The following DPYD variants were observed in gnomAD, a reference collection of about 807,000 sequenced individuals.
DPYD encodes the protein dihydropyrimidine dehydrogenase [NADP(+)].
DPYD carries 109 observed loss-of-function variants against 116.2 expected under a neutral mutation model. The ratio of observed to expected loss-of-function variants is 0.94; its 90% CI spans 0.80 to 1.10. The LOEUF (loss-of-function observed/expected upper bound fraction) is 1.10, where lower values mean the gene tolerates loss of function less well. DPYD is among the 50% of genes least tolerant of loss of function. The pLI, the probability that DPYD is intolerant of heterozygous loss-of-function variation, is 0.00. For synonymous variants in DPYD, 440 were observed against 432.0 expected (o/e 1.02, Z -0.23); for missense variants, 1,302 against 1,254.5 (o/e 1.04, Z -0.57).
At chr1:97,795,561 C>T (rs746877590) in intron 3 of DPYD, among the ~76,000 whole-genome samples, 2 of 151,884 alleles carry the variant, frequency 1.3e-5, no homozygotes, top group African/African-American at 4.8e-5. Flanking sequence ...AACAAACATT[C>T]CTACATAAAC....
At chr1:97,675,999 G>A (rs992381444) in intron 8 of DPYD, among the ~76,000 whole-genome samples, 11 of 151,810 alleles carry the variant, frequency 7.2e-5, no homozygotes, top group South Asian at 4.2e-4. Flanking sequence ...CACCCGCCTC[G>A]GCCTCCCAAA....
intron 20 of DPYD, among the ~76,000 whole-genome samples, chr1:97,105,328 G>A (rs1386439964): frequency 6.6e-6 from 1 of 152,172 alleles, no homozygotes; most frequent in South Asian, 2.1e-4. Context: ...CAAGAGAGAA[G>A]GAGCACAGCC....
intron 3 of DPYD, among the ~76,000 whole-genome samples, chr1:97,769,674 T>C (rs1443625688): frequency 6.6e-6 from 1 of 152,188 alleles, no homozygotes; most frequent in Non-Finnish European, 1.5e-5. Context: ...CTATCAAACT[T>C]GAACATATTA....
chr1:97,751,489 T>TATATAG (rs1557933382), intron 3 of DPYD, among the ~76,000 whole-genome samples: 1 of 132,640 alleles, frequency 7.5e-6, no homozygotes, highest in Non-Finnish European at 1.6e-5. Flanking sequence ...TATATATATA[T>TATATAG]ATATATGGCA....
intron 5 of DPYD, among the ~76,000 whole-genome samples, chr1:97,716,181 T>C (rs1410670464): frequency 2.0e-5 from 3 of 152,088 alleles, no homozygotes; most frequent in Non-Finnish European, 4.4e-5. Flanking sequence ...TTTACCAGAC[T>C]AATTTAACTC....
At chr1:97,152,910 C>T (rs534198067) in intron 20 of DPYD, among the ~76,000 whole-genome samples, 63 of 152,166 alleles carry the variant, frequency 4.1e-4, no homozygotes, top group Admixed American at 9.2e-4. Flanking sequence ...TGTCCTAGTT[C>T]ATTAAATTTA....
chr1:97,807,259 C>T (rs1668119425), intron 3 of DPYD, among the ~76,000 whole-genome samples: 1 of 152,022 alleles, frequency 6.6e-6, no homozygotes, highest in South Asian at 2.1e-4. Flanking sequence ...AGTGGCTTTA[C>T]TAATTTTGCA....
rs1057516710 is a variant in DPYD, at chr1:97,382,396, AG to A, written c.1970del (p.Ser657LeufsTer11). On this transcript the variant is annotated frameshift_variant, in exon 15 of 23. Coordinates refer to ENST00000370192, the MANE Select transcript of DPYD (RefSeq NM_000110.4). LOFTEE classifies it high-confidence loss of function. ...TATATACTAAAGTAACCATTACCTC[AG>A]ACTTCTTGGCAAGTTCCGTCCAGTC... ...KNDWTELAKK[S>X]EDSGADALEL... is the part of the protein sequence containing the mutation. The A allele has an allele frequency of 6.3e-7, 1 of 1,589,844 alleles. No homozygotes were observed.
At chr1:97,598,139 A>G (rs1413167133) in intron 8 of DPYD, among the ~76,000 whole-genome samples, 1 of 152,170 alleles carries the variant, frequency 6.6e-6, no homozygotes, top group Non-Finnish European at 1.5e-5. Flanking sequence ...TGGCAAGGAA[A>G]GAATAAAAGC....
intron 3 of DPYD, among the ~76,000 whole-genome samples, chr1:97,767,906 T>C (rs1276867810): frequency 6.6e-6 from 1 of 152,100 alleles, no homozygotes; most frequent in East Asian, 1.9e-4. Context: ...AGATAATCAT[T>C]TTAGGTTCTT....
chr1:97,177,235 T>C (rs1193253950), intron 20 of DPYD, among the ~76,000 whole-genome samples: 1 of 152,148 alleles, frequency 6.6e-6, no homozygotes, highest in Non-Finnish European at 1.5e-5. Flanking sequence ...GGTTGTTTCC[T>C]TGAAAGAAAT....
chr1:97,560,674 G>A (rs12066229), intron 11 of DPYD, among the ~76,000 whole-genome samples: 18,060 of 152,066 alleles, frequency 0.12, 1,243 homozygotes, highest in African/African-American at 0.18. Context: ...TCATCTGGCA[G>A]AAGATAAAAA....
intron 13 of DPYD, among the ~76,000 whole-genome samples, chr1:97,490,271 T>C (rs1678893850): frequency 6.7e-6 from 1 of 150,276 alleles, no homozygotes; most frequent in Non-Finnish European, 1.5e-5. Context: ...GAACAACCAT[T>C]CTGTCTCATA....
chr1:97,878,237 A>T (rs1480561764), intron 2 of DPYD, among the ~76,000 whole-genome samples: 3 of 151,936 alleles, frequency 2.0e-5, no homozygotes, highest in East Asian at 3.9e-4. Context: ...TTGTTTTTCT[A>T]GATTACTGAG....
chr1:97,667,960 C>T (rs936922390), intron 8 of DPYD, among the ~76,000 whole-genome samples: 1 of 152,030 alleles, frequency 6.6e-6, no homozygotes, highest in Non-Finnish European at 1.5e-5. Flanking sequence ...CATTCACACA[C>T]AAAATATATA....
intron 18 of DPYD, among the ~76,000 whole-genome samples, chr1:97,250,905 T>C (rs921546317): frequency 6.6e-6 from 1 of 152,166 alleles, no homozygotes; most frequent in Non-Finnish European, 1.5e-5. Flanking sequence ...ATATCATATC[T>C]GTGTATTATA....
chr1:97,477,604 C>CTTTTTTTT lies in DPYD; in HGVS notation c.1741-27389_1741-27382dup, dbSNP rs56199931. On this transcript the variant is annotated intron_variant, in intron 13 of 22. Transcript: ENST00000370192. ...CTGACCTCCTTCCATGACTGTTCTT[C>CTTTTTTTT]TTTTTTTTTTTTTTTTTTTTTTTTT... Among the ~76,000 whole-genome samples the CTTTTTTTT allele has an allele frequency of 1.8e-4, 21 of 113,652 alleles. 1 individual carries two copies. The highest frequency in any genetic ancestry group is 7.1e-4 in the African/African-American group (21 of 29,558). 74.6% of individuals were successfully genotyped at this position (113,652 alleles called of 152,430 possible).
At chr1:97,401,096 C>T (rs965966814) in intron 14 of DPYD, among the ~76,000 whole-genome samples, 1 of 152,048 alleles carries the variant, frequency 6.6e-6, no homozygotes, top group East Asian at 1.9e-4. Flanking sequence ...TGCTTATCTG[C>T]TATCTGTTTA....
chr1:97,100,342 C>T (rs1419977541), intron 20 of DPYD, among the ~76,000 whole-genome samples: 1 of 152,010 alleles, frequency 6.6e-6, no homozygotes, highest in Non-Finnish European at 1.5e-5. Flanking sequence ...GATAACACCA[C>T]ATAAGGTGGC....
Sources: allele counts gnomAD v4.1 joint callset (sites outside exome capture counted in the v4.1 genomes callset), GRCh38; gene constraint gnomAD v4.1.1; transcripts MANE v1.5; gene names NCBI Gene and HGNC (gene_info 2026-07-23, HGNC 2026-07-21).